Variants in TCF7L2 observed in about 807,000 individuals in gnomAD.
TCF7L2 encodes transcription factor 7 like 2, also known as transcription factor 7-like 2.
In TCF7L2, 23 loss-of-function variants were observed where a neutral mutation model predicts 77.9. The ratio of observed to expected loss-of-function variants is 0.30; its 90% confidence interval spans 0.21 to 0.42. The LOEUF (loss-of-function observed/expected upper bound fraction) is 0.42, where lower values mean the gene tolerates loss of function less well. Ranked by LOEUF, TCF7L2 falls within the 10% of genes least tolerant of loss-of-function variation. The pLI is 1.00. For synonymous variants in TCF7L2, 413 were observed against 340.2 expected, an observed-to-expected ratio of 1.21 and a Z score of -2.36; for missense variants, 654 against 793.1, an observed-to-expected ratio of 0.82 and a Z score of 2.11.
In TCF7L2 at chr10:113,151,200, T is replaced by C. The variant is rs2070678689; in HGVS notation, c.1001+77T>C. The C allele has an allele frequency of 6.2e-7, 1 of 1,600,412 alleles. No homozygotes were observed. The highest frequency in any genetic ancestry group is 1.1e-5 in the South Asian group (1 of 88,892). The stretch of plus-strand genomic sequence containing the variant: ...CCTGTTGCAGCTGCTGGGTGGTGGC[T>C]TTCTGCCTAAGGTTGGCCTCGTTTG... On this transcript the variant is annotated intron_variant, in intron 9 of 13. Transcript: ENST00000627217. The surrounding 1 kb of genome is among the most constrained non-coding windows in gnomAD (Gnocchi z 5.2).
chr10:112,965,219 G>A (rs1424854673), intron 4 of TCF7L2, among the ~76,000 whole-genome samples: 1 of 152,164 alleles, frequency 6.6e-6, no homozygotes, highest in Non-Finnish European at 1.5e-5. Flanking sequence ...AGGGAAAGGC[G>A]ACAGATCCCA....
intron 7 of TCF7L2, among the ~76,000 whole-genome samples, chr10:113,145,238 G>A (rs1308823188): frequency 1.3e-5 from 2 of 151,882 alleles, no homozygotes; most frequent in Non-Finnish European, 2.9e-5. Context: ...ACATGAACAT[G>A]AGCTTGTGAC....
At chr10:113,126,333 A>G (rs2065600683) in intron 5 of TCF7L2, among the ~76,000 whole-genome samples, 1 of 152,144 alleles carries the variant, frequency 6.6e-6, no homozygotes, top group Non-Finnish European at 1.5e-5. Context: ...AAGTTTATCT[A>G]AATTCAGCGA....
chr10:113,001,388 C>T (rs2044450382), intron 4 of TCF7L2, among the ~76,000 whole-genome samples: 1 of 152,148 alleles, frequency 6.6e-6, no homozygotes, highest in Non-Finnish European at 1.5e-5. Context: ...TAAGTAGAAC[C>T]CCAGCCAGCC....
At chr10:113,076,508 ATTAT>A (rs2058717131) in intron 5 of TCF7L2, among the ~76,000 whole-genome samples, 1 of 152,148 alleles carries the variant, frequency 6.6e-6, no homozygotes, top group Non-Finnish European at 1.5e-5. Context: ...CAAAATGCTA[ATTAT>A]TATTTGTTTT....
chr10:113,028,085 G>A (rs983547617), intron 4 of TCF7L2, among the ~76,000 whole-genome samples: 1 of 152,172 alleles, frequency 6.6e-6, no homozygotes, highest in Non-Finnish European at 1.5e-5. Context: ...AAAGTGGGCC[G>A]GGATGGTCTA....
intron 4 of TCF7L2, among the ~76,000 whole-genome samples, chr10:113,036,450 T>G (rs2051269483): frequency 6.6e-6 from 1 of 152,150 alleles, no homozygotes. Context: ...ATGCTCACCT[T>G]TTTCTTTTTG....
At chr10:113,147,414 C>G (rs142316676) in intron 8 of TCF7L2, among the ~76,000 whole-genome samples, 2 of 152,152 alleles carry the variant, frequency 1.3e-5, no homozygotes, top group African/African-American at 2.4e-5. Context: ...TATCTAGCAT[C>G]GGTAACTATG....
At chr10:113,054,211 C>T (rs1192175954) in intron 5 of TCF7L2, among the ~76,000 whole-genome samples, 1 of 152,228 alleles carries the variant, frequency 6.6e-6, no homozygotes, top group Non-Finnish European at 1.5e-5. Context: ...TCTATTCATC[C>T]TAAATTATAC....
In TCF7L2 at chr10:113,166,043, C is replaced by T. The variant is rs890956054; in HGVS notation, c.*71C>T. ...CTTTTCTTAATTTGCCCCCCACCCCCACCTTGAAAGGTTTTGTTTTGTACT... is the reference window on the plus strand; with the variant it reads ...CTTTTCTTAATTTGCCCCCCACCCCTACCTTGAAAGGTTTTGTTTTGTACT... On this transcript the variant is annotated 3_prime_UTR_variant, in exon 14 of 14. Transcript: ENST00000627217. 2.2e-6 allele frequency: 3 copies of T among 1,390,386 alleles called. No individual in the cohort carries two copies. Among genetic ancestry groups the T allele is most frequent in the Admixed American group, 5.3e-5 (2 of 37,662 alleles). The allele number at this position is 1,390,386 out of a possible 1,614,324, so 86.1% of individuals were successfully genotyped here.
chr10:113,119,574 C>T (rs1285649062), intron 5 of TCF7L2, among the ~76,000 whole-genome samples: 2 of 151,992 alleles, frequency 1.3e-5, no homozygotes, highest in African/African-American at 4.8e-5. Context: ...TTGAACATAA[C>T]AGAAGGTTAT....
chr10:113,029,269 C>G (rs1399031032), intron 4 of TCF7L2, among the ~76,000 whole-genome samples: 2 of 152,126 alleles, frequency 1.3e-5, no homozygotes, highest in Non-Finnish European at 2.9e-5. Flanking sequence ...TCCTCTTTCC[C>G]ATGTTTCTTC....
intron 5 of TCF7L2, among the ~76,000 whole-genome samples, chr10:113,097,666 AAAAAAAAAC>A (rs1181819136): frequency 6.1e-5 from 9 of 147,656 alleles, no homozygotes; most frequent in Non-Finnish European, 7.5e-5. Flanking sequence ...AAAAAAAAAA[AAAAAAAAAC>A]AACCATGAGA....
At chr10:113,023,595 C>T (rs1261698995) in intron 4 of TCF7L2, among the ~76,000 whole-genome samples, 1 of 152,208 alleles carries the variant, frequency 6.6e-6, no homozygotes, top group Non-Finnish European at 1.5e-5. Context: ...CCTCAGCCTC[C>T]CCAGTAGCTG....
intron 5 of TCF7L2, among the ~76,000 whole-genome samples, chr10:113,115,420 A>G (rs1046442005): frequency 2.6e-5 from 4 of 152,176 alleles, no homozygotes; most frequent in Admixed American, 2.6e-4. Context: ...TTCTTTTCAA[A>G]TAGAAATTTC....
At chr10:113,045,913 T>G (rs1479105293) in intron 5 of TCF7L2, among the ~76,000 whole-genome samples, 4 of 152,172 alleles carry the variant, frequency 2.6e-5, no homozygotes, top group African/African-American at 9.7e-5. Flanking sequence ...TCTAAGGATA[T>G]AAAGCAAGCC....
intron 4 of TCF7L2, among the ~76,000 whole-genome samples, chr10:113,009,156 C>G (rs749528694): frequency 1.9e-4 from 29 of 152,076 alleles, no homozygotes; most frequent in Non-Finnish European, 3.4e-4. Context: ...TGCCGGAAGT[C>G]TAGTTTTATA....
intron 4 of TCF7L2, among the ~76,000 whole-genome samples, chr10:112,995,195 G>A (rs1459529648): frequency 6.6e-6 from 1 of 152,226 alleles, no homozygotes; most frequent in Non-Finnish European, 1.5e-5. Flanking sequence ...GGGAACCCAG[G>A]CCTCGGGCCA....
chr10:113,017,993 C>A (rs1339540481), intron 4 of TCF7L2, among the ~76,000 whole-genome samples: 3 of 152,138 alleles, frequency 2.0e-5, no homozygotes, highest in African/African-American at 7.2e-5. Flanking sequence ...AGTAAGGTAA[C>A]ATTTGGGTGG....
Sources: allele counts gnomAD v4.1 joint callset (sites outside exome capture counted in the v4.1 genomes callset), GRCh38; gene constraint gnomAD v4.1.1; non-coding constraint Gnocchi (gnomAD v3.1); transcripts MANE v1.5; gene names NCBI Gene and HGNC (gene_info 2026-07-23, HGNC 2026-07-21).